Variants in KCNAB1 observed in about 807,000 individuals in gnomAD.
KCNAB1 encodes potassium voltage-gated channel subfamily A regulatory beta subunit 1.
In KCNAB1, 35 loss-of-function variants were observed where a neutral mutation model predicts 64.6. The ratio of observed to expected loss-of-function variants is 0.54; its 90% CI spans 0.41 to 0.72. The LOEUF (loss-of-function observed/expected upper bound fraction) is 0.72, where lower values mean the gene tolerates loss of function less well. Ranked by LOEUF, KCNAB1 falls within the 30% of genes least tolerant of loss-of-function variation. KCNAB1 has a pLI of 0.00. For synonymous variants in KCNAB1, 177 were observed against 183.8 expected, an observed-to-expected ratio of 0.96 and a Z score of 0.30; for missense variants, 401 against 512.9, an observed-to-expected ratio of 0.78 and a Z score of 2.11.
At chr3:156,185,630 G>T (rs902951229) in intron 1 of KCNAB1, among the ~76,000 whole-genome samples, 1 of 152,216 alleles carries the variant, frequency 6.6e-6, no homozygotes, top group African/African-American at 2.4e-5. Context: ...AGGGGCTTGG[G>T]CTAGGGCAGT....
chr3:156,242,684 T>A (rs1477571983), intron 1 of KCNAB1, among the ~76,000 whole-genome samples: 1 of 152,004 alleles, frequency 6.6e-6, no homozygotes, highest in African/African-American at 2.4e-5. Context: ...GTCAGTAATA[T>A]TTCAAAGATG....
chr3:156,306,383 C>T (rs1047376414), intron 1 of KCNAB1, among the ~76,000 whole-genome samples: 5 of 152,158 alleles, frequency 3.3e-5, no homozygotes, highest in Admixed American at 2.6e-4. Context: ...ACAACCTTTT[C>T]TTCGAGGTTG....
At chr3:156,319,920 A>C (rs138982284) in intron 1 of KCNAB1, among the ~76,000 whole-genome samples, 1 of 152,178 alleles carries the variant, frequency 6.6e-6, no homozygotes, top group Non-Finnish European at 1.5e-5. Context: ...AAGTAAGTAT[A>C]CCATCTGCTT....
intron 1 of KCNAB1, among the ~76,000 whole-genome samples, chr3:156,204,150 T>A (rs1159387299): frequency 6.6e-6 from 1 of 152,204 alleles, no homozygotes; most frequent in Non-Finnish European, 1.5e-5. Flanking sequence ...GCTTCACTTG[T>A]CCAAAAAAGT....
At chr3:156,531,309 A>G in intron 12 of KCNAB1, 100 bp from the exon 13 acceptor site, 1 of 865,412 alleles carries the variant, frequency 1.2e-6, no homozygotes, top group Non-Finnish European at 2.0e-6. Context: ...AAAAGAAGTT[A>G]ATAAATTTTG....
At chr3:156,422,126 A>G (rs1428840294) in intron 2 of KCNAB1, among the ~76,000 whole-genome samples, 1 of 152,264 alleles carries the variant, frequency 6.6e-6, no homozygotes, top group Non-Finnish European at 1.5e-5. Flanking sequence ...AAGGTGAGAT[A>G]CACATAAACA....
intron 1 of KCNAB1, among the ~76,000 whole-genome samples, chr3:156,142,425 G>A (rs559637588): frequency 6.6e-6 from 1 of 152,220 alleles, no homozygotes; most frequent in East Asian, 1.9e-4. Context: ...GTTGATTTTT[G>A]TATAAAGATG....
rs930681452 is a variant in KCNAB1, at chr3:156,538,374, A to C, written c.*1627A>C. On this transcript the variant is annotated 3_prime_UTR_variant, in exon 14 of 14. Transcript: ENST00000490337. The stretch of plus-strand genomic sequence containing the variant: ...CTAAATCTGAAAATGCTAGTGGGAG[A>C]TATCAAGAAATTTTCTTTTTGATTA... 1.3e-5 allele frequency: 2 copies of C among 152,220 alleles called. No individual in the cohort carries two copies. The highest frequency in any genetic ancestry group is 4.8e-5 in the African/African-American group (2 of 41,454). The allele number at this position is 152,220 out of a possible 1,614,324, so 9.4% of individuals were successfully genotyped here.
chr3:156,269,870 A>G (rs1718923460), intron 1 of KCNAB1, among the ~76,000 whole-genome samples: 1 of 147,854 alleles, frequency 6.8e-6, no homozygotes, highest in East Asian at 2.0e-4. Flanking sequence ...ATGTCTTTAT[A>G]TATGAAGTGC....
intron 1 of KCNAB1, among the ~76,000 whole-genome samples, chr3:156,214,441 C>G (rs567427254): frequency 6.8e-4 from 103 of 152,186 alleles, no homozygotes; most frequent in Non-Finnish European, 1.1e-3. Flanking sequence ...GTGGAAAACC[C>G]ACACGTTCGG....
intron 1 of KCNAB1, among the ~76,000 whole-genome samples, chr3:156,286,384 A>G (rs1169594035): frequency 1.3e-5 from 2 of 152,230 alleles, no homozygotes; most frequent in South Asian, 2.1e-4. Flanking sequence ...CATGTTTAAA[A>G]TTCTTCTAAT....
At chr3:156,125,894 A>G (rs1205383717) in intron 1 of KCNAB1, among the ~76,000 whole-genome samples, 2 of 152,204 alleles carry the variant, frequency 1.3e-5, no homozygotes, top group East Asian at 3.8e-4. Context: ...AGTTTATGCA[A>G]GAAGATATTC....
intron 1 of KCNAB1, among the ~76,000 whole-genome samples, chr3:156,260,304 A>C (rs1173572303): frequency 6.6e-6 from 1 of 152,218 alleles, no homozygotes; most frequent in Non-Finnish European, 1.5e-5. Context: ...AAATTCACTC[A>C]AAATAAATGT....
chr3:156,367,707 G>T (rs892282674), intron 1 of KCNAB1, among the ~76,000 whole-genome samples: 5 of 152,226 alleles, frequency 3.3e-5, no homozygotes, highest in African/African-American at 1.2e-4. Context: ...GAGGGGCCCA[G>T]TGTTTAACCC....
intron 2 of KCNAB1, among the ~76,000 whole-genome samples, chr3:156,427,438 T>C (rs928322751): frequency 3.3e-5 from 5 of 152,170 alleles, no homozygotes; most frequent in Non-Finnish European, 5.9e-5. Flanking sequence ...CCTGAGTGTA[T>C]GCTCCCTGAG....
chr3:156,148,805 G>C (rs976416977), intron 1 of KCNAB1, among the ~76,000 whole-genome samples: 3 of 151,696 alleles, frequency 2.0e-5, no homozygotes, highest in Admixed American at 6.6e-5. Context: ...ATAGAATATT[G>C]CACAATTCTG....
At chr3:156,418,218 C>G (rs913811862) in intron 1 of KCNAB1, among the ~76,000 whole-genome samples, 9 of 152,196 alleles carry the variant, frequency 5.9e-5, no homozygotes, top group South Asian at 2.1e-4. Context: ...TTTATGTAGC[C>G]TCACTTATGG....
intron 1 of KCNAB1, among the ~76,000 whole-genome samples, chr3:156,188,097 G>A (rs994633277): frequency 1.4e-4 from 21 of 152,044 alleles, no homozygotes; most frequent in African/African-American, 4.1e-4. Context: ...GCATTCTCAC[G>A]TTCCCTTGGT....
intron 1 of KCNAB1, among the ~76,000 whole-genome samples, chr3:156,205,791 C>A (rs1714619703): frequency 6.6e-6 from 1 of 152,130 alleles, no homozygotes; most frequent in Non-Finnish European, 1.5e-5. Context: ...CTTGTCAATA[C>A]CCTGACTAGA....
Sources: gnomAD v4.1 joint callset for allele counts (sites outside exome capture counted in the v4.1 genomes callset) on GRCh38, gnomAD v4.1.1 for gene constraint, MANE v1.5 for transcripts, NCBI Gene and HGNC (gene_info 2026-07-23, HGNC 2026-07-21) for gene names.